The following ASCC3 variants were observed in gnomAD, a reference collection of about 807,000 sequenced individuals.
The protein encoded by ASCC3 is activating signal cointegrator 1 complex subunit 3, also known as ASC-1 complex subunit P200.
In ASCC3, 158 loss-of-function variants were observed where a neutral mutation model predicts 256.3. The ratio of observed to expected loss-of-function variants is 0.62; its 90% CI spans 0.54 to 0.70. The LOEUF (loss-of-function observed/expected upper bound fraction) is 0.70, where lower values mean the gene tolerates loss of function less well. Among genes scored for constraint, ASCC3 ranks in the 30% least tolerant of loss-of-function variants. The probability of loss-of-function intolerance (pLI) is 0.00; values close to 1 mark genes in which losing one functional copy is unlikely to be tolerated. For synonymous variants in ASCC3, 948 were observed against 883.4 expected (o/e 1.07, Z -1.30); for missense variants, 2,259 against 2,626.0 (o/e 0.86, Z 3.05).
intron 18 of ASCC3, 32 bp downstream of exon 18, chr6:100,652,693 T>C (rs531107435): frequency 6.3e-7 from 1 of 1,598,764 alleles, no homozygotes. Flanking sequence ...TATTTGCATC[T>C]AAAATCAAAC....
intron 4 of ASCC3, among the ~76,000 whole-genome samples, chr6:100,827,450 T>C (rs1455475911): frequency 2.0e-5 from 3 of 152,226 alleles, no homozygotes; most frequent in Non-Finnish European, 4.4e-5. Context: ...CTTTTTAGAT[T>C]GGCTTCTTAT....
At chr6:100,515,626 T>C (rs1773981284) in intron 39 of ASCC3, among the ~76,000 whole-genome samples, 2 of 152,200 alleles carry the variant, frequency 1.3e-5, no homozygotes, top group South Asian at 4.1e-4. Context: ...GCTTTCTATG[T>C]AAGTTATATG....
chr6:100,689,980 A>G lies in ASCC3; in HGVS notation c.2152-10228T>C, dbSNP rs192807868. Among the ~76,000 whole-genome samples, 340 of 152,270 alleles carry G rather than the reference A, an allele frequency of 2.2e-3. 1 individual carries two copies. Among genetic ancestry groups the G allele is most frequent in the African/African-American group, 7.7e-3 (322 of 41,572 alleles). On this transcript the variant is annotated intron_variant, in intron 13 of 41. Transcript: ENST00000369162. ...AGAAAAAAAGATATAAAAATTCTGGACTTTAAGGTCAAAATTGGCTTCTAA... is the reference window on the plus strand; with the variant it reads ...AGAAAAAAAGATATAAAAATTCTGGGCTTTAAGGTCAAAATTGGCTTCTAA...
chr6:100,723,878 A>ATTTATAAT (rs1419392506), intron 11 of ASCC3, among the ~76,000 whole-genome samples: 27 of 132,410 alleles, frequency 2.0e-4, no homozygotes, highest in Non-Finnish European at 4.7e-5. Flanking sequence ...ATATATATAT[A>ATTTATAAT]TATATATATA....
intron 2 of ASCC3, among the ~76,000 whole-genome samples, chr6:100,864,761 A>C (rs1309195241): frequency 6.6e-6 from 1 of 152,198 alleles, no homozygotes; most frequent in Admixed American, 6.5e-5. Context: ...ACTCTTTTCT[A>C]TTAGGTGGCT....
chr6:100,551,229 A>G (rs1769283763), intron 36 of ASCC3, among the ~76,000 whole-genome samples: 1 of 151,994 alleles, frequency 6.6e-6, no homozygotes, highest in South Asian at 2.1e-4. Context: ...ACAGGTATAC[A>G]CAATGGTAAA....
chr6:100,718,396 T>C (rs1208947150), intron 11 of ASCC3, 145 bp from the exon 12 acceptor site: 6 of 612,942 alleles, frequency 9.8e-6, no homozygotes, highest in African/African-American at 1.9e-5. Flanking sequence ...ATGTCAGACA[T>C]TGTAGCCCAT....
chr6:100,530,622 G>A (rs1220278690), intron 37 of ASCC3: 6 of 801,604 alleles, frequency 7.5e-6, no homozygotes, highest in East Asian at 2.4e-5. Context: ...AATACAGTGT[G>A]AGTTCTCCAA....
chr6:100,859,994 T>A (rs887247498), intron 3 of ASCC3, among the ~76,000 whole-genome samples: 1 of 151,974 alleles, frequency 6.6e-6, no homozygotes, highest in Non-Finnish European at 1.5e-5. Flanking sequence ...TAGGGAATGG[T>A]AAGGTCTTTC....
intron 10 of ASCC3, among the ~76,000 whole-genome samples, chr6:100,765,620 G>A (rs1027487728): frequency 1.3e-5 from 2 of 152,098 alleles, no homozygotes; most frequent in East Asian, 1.9e-4. Context: ...GATGTCTCAC[G>A]TTTCCCTAAA....
At chr6:100,745,863 C>T (rs2115081168) in intron 10 of ASCC3, among the ~76,000 whole-genome samples, 1 of 152,176 alleles carries the variant, frequency 6.6e-6, no homozygotes. Context: ...TAGTCTTTTT[C>T]TATCAATCAG....
intron 10 of ASCC3, among the ~76,000 whole-genome samples, chr6:100,751,281 A>C (rs1235383992): frequency 1.3e-5 from 2 of 152,130 alleles, no homozygotes; most frequent in Non-Finnish European, 2.9e-5. Context: ...ATAGAAAATT[A>C]AATTAAATTT....
intron 3 of ASCC3, among the ~76,000 whole-genome samples, chr6:100,853,420 C>CTTTTTTTTTTTTTTTTT (rs11299576): frequency 7.8e-6 from 1 of 127,668 alleles, no homozygotes; most frequent in Non-Finnish European, 1.7e-5. Context: ...ATAAATATTC[C>CTTTTTTTTTTTTTTTTT]TTTTTTTTTT....
At chr6:100,811,776 T>C (rs901761089) in intron 4 of ASCC3, among the ~76,000 whole-genome samples, 5 of 152,094 alleles carry the variant, frequency 3.3e-5, no homozygotes, top group Admixed American at 2.6e-4. Context: ...AGTCATAGAT[T>C]GAAGGACTAG....
intron 10 of ASCC3, among the ~76,000 whole-genome samples, chr6:100,730,457 C>T (rs2115048599): frequency 6.6e-6 from 1 of 152,292 alleles, no homozygotes; most frequent in African/African-American, 2.4e-5. Flanking sequence ...TTGCCTAGTA[C>T]ATCTTCTGTG....
At chr6:100,798,167 C>T (rs1445858553) in intron 8 of ASCC3, among the ~76,000 whole-genome samples, 2 of 152,006 alleles carry the variant, frequency 1.3e-5, no homozygotes, top group Non-Finnish European at 2.9e-5. Context: ...AATATGAATA[C>T]TTTAACCTAA....
intron 13 of ASCC3, among the ~76,000 whole-genome samples, chr6:100,688,871 A>G (rs1401832859): frequency 6.6e-6 from 1 of 152,196 alleles, no homozygotes. Context: ...GGAAGTAACC[A>G]AAAATCAATA....
intron 10 of ASCC3, among the ~76,000 whole-genome samples, chr6:100,748,610 C>T (rs1780793318): frequency 6.6e-6 from 1 of 151,930 alleles, no homozygotes; most frequent in South Asian, 2.1e-4. Flanking sequence ...AGTTGAATCA[C>T]CTCAAAAAGC....
chr6:100,676,799 T>A, intron 14 of ASCC3, among the ~76,000 whole-genome samples: 1 of 152,108 alleles, frequency 6.6e-6, no homozygotes, highest in Non-Finnish European at 1.5e-5. Context: ...GAGGATTTTC[T>A]TAATGGAGTT....
Sources: gnomAD v4.1 joint callset for allele counts (sites outside exome capture counted in the v4.1 genomes callset) on GRCh38, gnomAD v4.1.1 for gene constraint, MANE v1.5 for transcripts, NCBI Gene and HGNC (gene_info 2026-07-23, HGNC 2026-07-21) for gene names.